ADD3: variants seen among roughly 807,000 people sequenced by gnomAD.
The protein encoded by ADD3 is gamma-adducin.
A neutral mutation model predicts 80.2 loss-of-function variants in ADD3; 25 were observed. The observed-to-expected ratio is 0.31, with a 90% confidence interval of 0.23 to 0.44. The LOEUF (loss-of-function observed/expected upper bound fraction) is 0.44, where lower values mean the gene tolerates loss of function less well. Among genes scored for constraint, ADD3 ranks in the 20% least tolerant of loss-of-function variants. ADD3 has a pLI of 1.00. For synonymous variants in ADD3, 284 were observed against 289.6 expected (o/e 0.98, Z 0.20); for missense variants, 829 against 847.5 (o/e 0.98, Z 0.27).
At chr10:110,001,458 T>A (rs1241256138), upstream of ADD3, among the ~76,000 whole-genome samples, 1 of 151,500 alleles carries the variant, frequency 6.6e-6, no homozygotes, top group Non-Finnish European at 1.5e-5. Context: ...AGAGGTTAAA[T>A]ATTTTGCACA....
rs566539651 is a variant in ADD3, at chr10:110,067,163, TAATA to T, written c.-29-33458_-29-33455del. ...GCTTAGAAAAATCAGTAGATTTGATTAATAAATCATCTATAAAAAACCTGAAATA... is the reference window on the plus strand; with the variant it reads ...GCTTAGAAAAATCAGTAGATTTGATTAATCATCTATAAAAAACCTGAAATA... On this transcript the variant is annotated intron_variant, in intron 1 of 14. Coordinates refer to ENST00000356080, the MANE Select transcript of ADD3 (RefSeq NM_016824.5). Among the ~76,000 whole-genome samples the T allele has an allele frequency of 1.2e-3, 182 of 152,332 alleles. 2 individuals carry two copies. The highest frequency in any genetic ancestry group is 4.2e-3 in the African/African-American group (176 of 41,578).
intron 8 of ADD3, 31 bp from the exon 9 acceptor site, chr10:110,122,079 G>A (rs1590218724): frequency 6.4e-7 from 1 of 1,568,496 alleles, no homozygotes; most frequent in Middle Eastern, 1.7e-4. Context: ...TTATAGTTTT[G>A]TGTCTCTGTA....
chr10:109,998,941 G>A (rs1472681836), intron 1 of ADD3, among the ~76,000 whole-genome samples: 1 of 151,202 alleles, frequency 6.6e-6, no homozygotes, highest in East Asian at 1.9e-4. Flanking sequence ...GTTAACATCT[G>A]TTGTTTTCCC....
rs764721547 is a variant in ADD3, at chr10:110,049,107, CAG to C, written c.-30+40811_-30+40812del. ...CAAGTTACAGCTCATGCTGTGGCCTCAGAGGGTGCAAGCCCCAACCTTGGCAG... is the reference window on the plus strand; with the variant it reads ...CAAGTTACAGCTCATGCTGTGGCCTCAGGGTGCAAGCCCCAACCTTGGCAG... On this transcript the variant is annotated intron_variant, in intron 1 of 14. Coordinates refer to ENST00000356080, the MANE Select transcript of ADD3 (RefSeq NM_016824.5). 1.0e-3 allele frequency among the ~76,000 whole-genome samples: 153 copies of C among 152,346 alleles called. 1 individual carries two copies. Among genetic ancestry groups the C allele is most frequent in the Non-Finnish European group, 1.1e-3 (74 of 68,026 alleles).
At chr10:110,063,774 TATATATATAA>T (rs1181547259) in intron 1 of ADD3, among the ~76,000 whole-genome samples, 1 of 93,074 alleles carries the variant, frequency 1.1e-5, no homozygotes, top group Non-Finnish European at 2.2e-5. Context: ...TATATATATA[TATATATATAA>T]AGTGAACACC....
At chr10:110,099,548 A>G (rs1434417838) in intron 1 of ADD3, among the ~76,000 whole-genome samples, 2 of 152,332 alleles carry the variant, frequency 1.3e-5, no homozygotes, top group Admixed American at 1.3e-4. Flanking sequence ...ATCGGAATAT[A>G]CCACATAGTA....
At chr10:110,095,595 C>A (rs1321056419) in intron 1 of ADD3, among the ~76,000 whole-genome samples, 1 of 152,158 alleles carries the variant, frequency 6.6e-6, no homozygotes, top group Admixed American at 6.5e-5. Flanking sequence ...TACCATATGA[C>A]AAAATACTAT....
At chr10:110,013,398 C>T (rs529388455) in intron 1 of ADD3, among the ~76,000 whole-genome samples, 23 of 152,180 alleles carry the variant, frequency 1.5e-4, no homozygotes, top group Non-Finnish European at 3.1e-4. Context: ...CCACTGCACT[C>T]GGCCAAGGCT....
chr10:110,047,897 GAAAC>G (rs1018957196), intron 1 of ADD3, among the ~76,000 whole-genome samples: 4 of 152,134 alleles, frequency 2.6e-5, no homozygotes, highest in African/African-American at 9.7e-5. Flanking sequence ...TATCCCATTA[GAAAC>G]AAACATATTA....
At chr10:110,106,137 AT>A (rs1343153719) in intron 2 of ADD3, 1 of 142,244 alleles carries the variant, frequency 7.0e-6, no homozygotes, top group Non-Finnish European at 1.5e-5. Context: ...CAAGTCTGTA[AT>A]CTTTTTTTTT....
At chr10:110,056,101 C>A (rs533116380) in intron 1 of ADD3, among the ~76,000 whole-genome samples, 2 of 152,338 alleles carry the variant, frequency 1.3e-5, no homozygotes, top group South Asian at 4.1e-4. Context: ...CATCTGAAAT[C>A]ACATCACAAT....
chr10:110,016,469 GAAATT>G (rs1356022066), intron 1 of ADD3: 2 of 152,226 alleles, frequency 1.3e-5, no homozygotes, highest in Non-Finnish European at 1.5e-5. Flanking sequence ...GAGTAGTGGT[GAAATT>G]AAATTAAGTG....
In ADD3 at chr10:110,030,676, A is replaced by G. The variant is rs977713695; in HGVS notation, c.-30+22377A>G. 2.6e-5 allele frequency among the ~76,000 whole-genome samples: 4 copies of G among 151,604 alleles called. 1 individual carries two copies. Among genetic ancestry groups the G allele is most frequent in the African/African-American group, 9.7e-5 (4 of 41,410 alleles). On this transcript the variant is annotated intron_variant, in intron 1 of 14. Transcript: ENST00000356080. ...GCTGTTTATCGCTTGAAATGTGGCT[A>G]GTCCTAATTGAGATGTGCTGCAATT...
intron 12 of ADD3, among the ~76,000 whole-genome samples, chr10:110,127,682 T>C (rs1013141308): frequency 2.0e-5 from 3 of 152,220 alleles, no homozygotes; most frequent in African/African-American, 7.2e-5. Flanking sequence ...CAACAGGTAA[T>C]CTCTCTGTTC....
intron 12 of ADD3, among the ~76,000 whole-genome samples, chr10:110,129,372 C>T (rs60284805): frequency 1.3e-5 from 2 of 152,174 alleles, no homozygotes; most frequent in East Asian, 1.9e-4. Context: ...TAGTCTCGAA[C>T]TCTGGACCTC....
intron 1 of ADD3, among the ~76,000 whole-genome samples, chr10:110,075,185 C>T (rs1168545777): frequency 1.3e-5 from 2 of 152,056 alleles, no homozygotes; most frequent in African/African-American, 2.4e-5. Flanking sequence ...AATGTCACAC[C>T]TTGTCTGTGC....
chr10:110,130,940 A>C (rs1258406447), intron 13 of ADD3, among the ~76,000 whole-genome samples: 1 of 152,184 alleles, frequency 6.6e-6, no homozygotes, highest in Non-Finnish European at 1.5e-5. Context: ...AGATTCCCAG[A>C]TGAGTAAAGA....
At chr10:110,091,860 T>G (rs1017490572) in intron 1 of ADD3, among the ~76,000 whole-genome samples, 4 of 152,178 alleles carry the variant, frequency 2.6e-5, no homozygotes, top group Non-Finnish European at 5.9e-5. Flanking sequence ...AACAAAGGTG[T>G]AATATCCAGA....
At chr10:110,121,253 C>G (rs7477704) in intron 8 of ADD3, among the ~76,000 whole-genome samples, 53,148 of 151,812 alleles carry the variant, frequency 0.35, 14,324 homozygotes, top group African/African-American at 0.74. Context: ...GGAGGCTGAG[C>G]TGGGTAGATC....
Sources: allele counts gnomAD v4.1 joint callset (sites outside exome capture counted in the v4.1 genomes callset), GRCh38; gene constraint gnomAD v4.1.1; transcripts MANE v1.5; gene names NCBI Gene and HGNC (gene_info 2026-07-23, HGNC 2026-07-21).